The following FUT9 variants were observed in gnomAD, a reference collection of about 807,000 sequenced individuals.
The protein encoded by FUT9 is fucosyltransferase 9.
Under a neutral mutation model 29.7 loss-of-function variants are expected in FUT9, and 15 were observed. The ratio of observed to expected loss-of-function variants is 0.51; its 90% confidence interval spans 0.34 to 0.78. The LOEUF (loss-of-function observed/expected upper bound fraction) is 0.78. FUT9 is among the 30% of genes least tolerant of loss of function. The probability of loss-of-function intolerance (pLI) is 0.01; values close to 1 mark genes in which losing one functional copy is unlikely to be tolerated. For missense variants in FUT9, 319 were observed against 425.4 expected, an observed-to-expected ratio of 0.75 and a Z score of 2.20; for synonymous variants, 169 against 153.7, an observed-to-expected ratio of 1.10 and a Z score of -0.74.
chr6:96,135,272 G>T (rs745772020), intron 2 of FUT9, among the ~76,000 whole-genome samples: 11 of 151,894 alleles, frequency 7.2e-5, no homozygotes, highest in Admixed American at 2.0e-4. Context: ...ACACATACAT[G>T]AGGGACATTT....
intron 1 of FUT9, among the ~76,000 whole-genome samples, chr6:96,080,246 A>G (rs565024910): frequency 2.6e-5 from 4 of 151,920 alleles, no homozygotes; most frequent in Non-Finnish European, 5.9e-5. Context: ...AAAGAATGAC[A>G]TAATAATTTT....
chr6:96,133,958 A>C (rs1440012977), intron 2 of FUT9, among the ~76,000 whole-genome samples: 3 of 151,676 alleles, frequency 2.0e-5, no homozygotes, highest in Admixed American at 2.0e-4. Context: ...AGTAGGCATA[A>C]TTTTTTTAAT....
chr6:96,132,582 C>T (rs549937731), intron 2 of FUT9, among the ~76,000 whole-genome samples: 4 of 152,072 alleles, frequency 2.6e-5, no homozygotes, highest in South Asian at 2.1e-4. Context: ...AGAGAAAGGG[C>T]GACAATTTTG....
At chr6:96,066,556 C>T (rs1770965312) in intron 1 of FUT9, among the ~76,000 whole-genome samples, 1 of 151,926 alleles carries the variant, frequency 6.6e-6, no homozygotes, top group African/African-American at 2.4e-5. Context: ...AAAAAAGAGG[C>T]CACTGTTCTC....
intron 2 of FUT9, among the ~76,000 whole-genome samples, chr6:96,168,092 GA>G (rs1773046442): frequency 6.6e-6 from 1 of 152,172 alleles, no homozygotes; most frequent in Non-Finnish European, 1.5e-5. Flanking sequence ...GTAAGATAGA[GA>G]AAGAAACAAG....
At chr6:96,051,093 G>A (rs146072949) in intron 1 of FUT9, among the ~76,000 whole-genome samples, 16 of 151,744 alleles carry the variant, frequency 1.1e-4, no homozygotes, top group South Asian at 2.1e-4. Flanking sequence ...TAAATTCCAC[G>A]TGGAATGTGA....
intron 1 of FUT9, among the ~76,000 whole-genome samples, chr6:96,041,761 T>TA (rs1229369447): frequency 2.6e-5 from 4 of 152,238 alleles, no homozygotes; most frequent in African/African-American, 9.6e-5. Flanking sequence ...TCTGTTGATA[T>TA]ATCTACAGTC....
intron 2 of FUT9, among the ~76,000 whole-genome samples, chr6:96,143,610 C>T (rs1057431706): frequency 6.6e-6 from 1 of 151,996 alleles, no homozygotes; most frequent in African/African-American, 2.4e-5. Context: ...CATATCTCAA[C>T]CCCCAATTAT....
chr6:96,161,615 A>G (rs1315758326), intron 2 of FUT9, among the ~76,000 whole-genome samples: 6 of 152,208 alleles, frequency 3.9e-5, no homozygotes, highest in South Asian at 2.1e-4. Flanking sequence ...CTGAATGTGG[A>G]TGTGAATATC....
Position 96,158,375 on chromosome 6 carries a change from GAT to G in FUT9, c.-9+44251_-9+44252del, listed in dbSNP as rs1194669245. 1.3e-5 allele frequency among the ~76,000 whole-genome samples: 2 copies of G among 152,114 alleles called. 1 individual carries two copies. Among genetic ancestry groups the G allele is most frequent in the Middle Eastern group, 6.8e-3 (2 of 294 alleles). On this transcript the variant is annotated intron_variant, in intron 2 of 2. Transcript: ENST00000302103. ...AAGTTAAATTTTCTATAATATATAT[GAT>G]ATGTGTGTATGTATGTGTGTGTATT...
intron 1 of FUT9, among the ~76,000 whole-genome samples, chr6:96,060,278 TGAACA>T (rs1770849682): frequency 6.6e-6 from 1 of 152,288 alleles, no homozygotes; most frequent in Admixed American, 6.5e-5. Flanking sequence ...CCACAGAATA[TGAACA>T]CCTACTTAAA....
intron 1 of FUT9, among the ~76,000 whole-genome samples, chr6:96,054,025 A>G (rs1407947298): frequency 1.3e-5 from 2 of 152,206 alleles, no homozygotes; most frequent in Non-Finnish European, 2.9e-5. Context: ...AAAGCACAGG[A>G]TGTCATAAGG....
intron 1 of FUT9, among the ~76,000 whole-genome samples, chr6:96,016,993 A>G (rs1363263622): frequency 6.6e-6 from 1 of 152,248 alleles, no homozygotes; most frequent in African/African-American, 2.4e-5. Flanking sequence ...GAGGCGTCTT[A>G]GCTGAGTACA....
chr6:96,143,122 A>G (rs1772496245), intron 2 of FUT9, among the ~76,000 whole-genome samples: 2 of 152,164 alleles, frequency 1.3e-5, no homozygotes, highest in Admixed American at 1.3e-4. Context: ...CACCAATACT[A>G]TACAATTAGG....
intron 2 of FUT9, among the ~76,000 whole-genome samples, chr6:96,133,416 C>A (rs1224429453): frequency 6.6e-6 from 1 of 151,836 alleles, no homozygotes; most frequent in Non-Finnish European, 1.5e-5. Context: ...TCATTGTGAA[C>A]ATCTGAGTAA....
intron 1 of FUT9, among the ~76,000 whole-genome samples, chr6:96,095,836 G>A (rs531345162): frequency 6.9e-4 from 105 of 152,136 alleles, no homozygotes; most frequent in Non-Finnish European, 1.3e-3. Context: ...ATGGGCTAGC[G>A]ATCTATCTCT....
chr6:96,051,116 GT>G (rs1274720857), intron 1 of FUT9, among the ~76,000 whole-genome samples: 1 of 151,636 alleles, frequency 6.6e-6, no homozygotes, highest in Admixed American at 6.6e-5. Context: ...AAAATGAGTA[GT>G]AAATATTGCC....
chr6:96,051,630 G>A (rs903841530), intron 1 of FUT9, among the ~76,000 whole-genome samples: 1 of 151,902 alleles, frequency 6.6e-6, no homozygotes, highest in African/African-American at 2.4e-5. Flanking sequence ...TCCAGCCTTG[G>A]CAACAGAGCA....
chr6:96,114,957 C>T (rs1025874944), intron 2 of FUT9, among the ~76,000 whole-genome samples: 1 of 152,242 alleles, frequency 6.6e-6, no homozygotes, highest in East Asian at 1.9e-4. Flanking sequence ...CACCTAATAC[C>T]GTCAGACCTA....
Sources: gnomAD v4.1 joint callset for allele counts (sites outside exome capture counted in the v4.1 genomes callset) on GRCh38, gnomAD v4.1.1 for gene constraint, MANE v1.5 for transcripts, NCBI Gene and HGNC (gene_info 2026-07-23, HGNC 2026-07-21) for gene names.